ME1: variants seen among roughly 807,000 people sequenced by gnomAD.
The protein encoded by ME1 is NADP-dependent malic enzyme.
ME1 carries 74 observed loss-of-function variants against 66.4 expected under a neutral mutation model. The ratio of observed to expected loss-of-function variants is 1.11; its 90% CI spans 0.92 to 1.35. ME1 has a LOEUF of 1.35. ME1 is among the 40% of genes most tolerant of loss of function. The pLI, the probability that ME1 is intolerant of heterozygous loss-of-function variation, is 0.00. For missense variants in ME1, 750 were observed against 694.1 expected (o/e 1.08, Z -0.90); for synonymous variants, 251 against 235.6 (o/e 1.07, Z -0.60).
At chr6:83,376,123 C>A (rs901067332) in intron 3 of ME1, among the ~76,000 whole-genome samples, 4 of 151,870 alleles carry the variant, frequency 2.6e-5, no homozygotes, top group Non-Finnish European at 5.9e-5. Context: ...ATTATATCTG[C>A]ATCATGTTAA....
At chr6:83,424,068 G>A (rs575750267) in intron 1 of ME1, among the ~76,000 whole-genome samples, 1 of 148,224 alleles carries the variant, frequency 6.7e-6, no homozygotes, top group South Asian at 2.1e-4. Flanking sequence ...TTGCACTCCA[G>A]CCTGGATAAC....
At chr6:83,320,894 C>T (rs772421145) in intron 5 of ME1, among the ~76,000 whole-genome samples, 1 of 152,180 alleles carries the variant, frequency 6.6e-6, no homozygotes, top group African/African-American at 2.4e-5. Flanking sequence ...CTCCGGTCTG[C>T]AGCTCCCAGC....
At position 83,314,275 on chromosome 6, in the gene ME1, ATCCAAAATCCAAAATGC is replaced by A. The variant is rs1562478289; in HGVS notation, c.704+1018_704+1034del. Among the ~76,000 whole-genome samples, 3 of 152,322 alleles carry A rather than the reference ATCCAAAATCCAAAATGC, an allele frequency of 2.0e-5. No individual in the cohort carries two copies. In the East Asian group the frequency reaches 5.8e-4, roughly 29 times the overall value. ...CAGGTTGAGCATCTCTAATCCAAAA[ATCCAAAATCCAAAATGC>A]TCCAAAATCTGAAACATTTTGAGCG... is the stretch of plus-strand genomic sequence containing the variant. On this transcript the variant is annotated intron_variant, in intron 6 of 13. Transcript: ENST00000369705.
At chr6:83,253,315 ATACTTT>A (rs1790754686) in intron 7 of ME1, among the ~76,000 whole-genome samples, 1 of 152,178 alleles carries the variant, frequency 6.6e-6, no homozygotes, top group African/African-American at 2.4e-5. Context: ...AGAAGTATGT[ATACTTT>A]TACTTTTAAG....
Position 83,352,145 on chromosome 6 carries a change from G to C in ME1, c.363-6C>G. On this transcript the variant is annotated splice_region_variant and splice_polypyrimidine_tract_variant and intron_variant, in intron 3 of 13. Transcript: ENST00000369705. Reference sequence around the variant, plus strand: ...GGATAGTAATAAAGAGACCTCTGCAGAAAAAAAAAAAAAAAAAGGAGTAGT... The same window carrying C: ...GGATAGTAATAAAGAGACCTCTGCACAAAAAAAAAAAAAAAAAGGAGTAGT... 22 of 939,452 alleles carry C rather than the reference G, an allele frequency of 2.3e-5. No individual in the cohort carries two copies. Among genetic ancestry groups the C allele is most frequent in the Non-Finnish European group, 2.8e-5 (20 of 720,972 alleles). 58.2% of individuals were successfully genotyped at this position (939,452 alleles called of 1,614,324 possible). A position where few individuals can be genotyped will look rare whatever the true frequency, so the allele number is the denominator to read the frequency against.
intron 5 of ME1, among the ~76,000 whole-genome samples, chr6:83,340,569 A>G (rs769741871): frequency 2.7e-4 from 41 of 152,312 alleles, no homozygotes; most frequent in Non-Finnish European, 4.0e-4. Context: ...TGACACCTCT[A>G]TGAGGTAAGT....
intron 5 of ME1, among the ~76,000 whole-genome samples, chr6:83,325,312 G>A (rs1768267399): frequency 2.0e-5 from 3 of 152,174 alleles, no homozygotes; most frequent in Admixed American, 2.0e-4. Flanking sequence ...CACAAGACAA[G>A]GATGCCCTCT....
chr6:83,302,313 T>A (rs1716911932), intron 6 of ME1, among the ~76,000 whole-genome samples: 1 of 151,802 alleles, frequency 6.6e-6, no homozygotes, highest in Non-Finnish European at 1.5e-5. Context: ...AGTAGGAGGT[T>A]GGGAGGAGGG....
chr6:83,406,634 A>G (rs1429665831), intron 2 of ME1, among the ~76,000 whole-genome samples: 2 of 152,198 alleles, frequency 1.3e-5, no homozygotes, highest in Non-Finnish European at 2.9e-5. Flanking sequence ...TTCAATCCAT[A>G]GCAAACATGG....
chr6:83,241,538 T>C (rs1400104037), intron 7 of ME1, among the ~76,000 whole-genome samples: 1 of 152,186 alleles, frequency 6.6e-6, no homozygotes, highest in Non-Finnish European at 1.5e-5. Context: ...TATTTAAAGA[T>C]ATATTTCATA....
At chr6:83,221,969 G>C (rs1790099214) in intron 12 of ME1, among the ~76,000 whole-genome samples, 1 of 152,148 alleles carries the variant, frequency 6.6e-6, no homozygotes, top group Non-Finnish European at 1.5e-5. Flanking sequence ...TAGTGATGTG[G>C]TATGTTGACA....
intron 3 of ME1, among the ~76,000 whole-genome samples, chr6:83,396,916 G>A (rs552596094): frequency 1.2e-3 from 187 of 152,068 alleles, no homozygotes; most frequent in African/African-American, 4.4e-3. Context: ...AATGGTGACG[G>A]GAAAACTGGT....
intron 5 of ME1, among the ~76,000 whole-genome samples, chr6:83,325,324 T>A (rs1438954158): frequency 6.6e-6 from 1 of 152,184 alleles, no homozygotes; most frequent in Non-Finnish European, 1.5e-5. Flanking sequence ...ATGCCCTCTC[T>A]CACCACTCCT....
chr6:83,348,021 G>C (rs549554493), intron 4 of ME1, among the ~76,000 whole-genome samples: 1 of 152,226 alleles, frequency 6.6e-6, no homozygotes, highest in African/African-American at 2.4e-5. Flanking sequence ...TTAATTTCCT[G>C]TTCACCTATA....
chr6:83,420,091 G>A (rs981228171), intron 1 of ME1, among the ~76,000 whole-genome samples: 18 of 151,348 alleles, frequency 1.2e-4, no homozygotes, highest in African/African-American at 3.4e-4. Flanking sequence ...CTTTTGAGAC[G>A]GAGCCTTGCA....
rs972617749 is a variant in ME1, at chr6:83,314,137, A to C, written c.704+1173T>G. Among the ~76,000 whole-genome samples the C allele has an allele frequency of 3.1e-4, 47 of 152,302 alleles. 1 individual carries two copies. Among genetic ancestry groups the C allele is most frequent in the African/African-American group, 1.1e-3 (46 of 41,562 alleles). ...ACCAAGGGATGACTGTCAGTGTGATAAAATTCTCTTAGAATATATTACTAA... is the reference window on the plus strand; with the variant it reads ...ACCAAGGGATGACTGTCAGTGTGATCAAATTCTCTTAGAATATATTACTAA... On this transcript the variant is annotated intron_variant, in intron 6 of 13. Transcript: ENST00000369705.
chr6:83,285,922 G>A lies in ME1; in HGVS notation c.704+29388C>T, dbSNP rs186742444. Among the ~76,000 whole-genome samples the A allele has an allele frequency of 2.0e-3, 298 of 152,138 alleles. 2 individuals are homozygous for A. Among genetic ancestry groups the A allele is most frequent in the Non-Finnish European group, 2.2e-3 (148 of 67,996 alleles). ...TCCATAGTTGTTTTTTCAGTTGTTC[G>A]GATACGGCTTATCTTCATGTTTAAA... On this transcript the variant is annotated intron_variant, in intron 6 of 13. Coordinates refer to ENST00000369705, the MANE Select transcript of ME1 (RefSeq NM_002395.6).
intron 1 of ME1, among the ~76,000 whole-genome samples, chr6:83,416,188 T>C (rs537434530): frequency 1.2e-3 from 190 of 152,310 alleles, no homozygotes; most frequent in African/African-American, 4.4e-3. Context: ...ATAGTACATG[T>C]TATGTGTGTT....
At chr6:83,393,749 TA>T (rs1296699558) in intron 3 of ME1, among the ~76,000 whole-genome samples, 2 of 152,226 alleles carry the variant, frequency 1.3e-5, no homozygotes, top group African/African-American at 4.8e-5. Flanking sequence ...TCCTTGAATT[TA>T]AAACAGCTTT....
Sources: gnomAD v4.1 joint callset for allele counts (sites outside exome capture counted in the v4.1 genomes callset) on GRCh38, gnomAD v4.1.1 for gene constraint, MANE v1.5 for transcripts, NCBI Gene and HGNC (gene_info 2026-07-23, HGNC 2026-07-21) for gene names.